Variants in USP8 observed in about 807,000 individuals in gnomAD.
USP8 encodes the protein ubiquitin carboxyl-terminal hydrolase 8.
Under a neutral mutation model 130.0 loss-of-function variants are expected in USP8, and 27 were observed. That is an observed-to-expected ratio of 0.21 (90% CI 0.15 to 0.29). USP8 has a LOEUF of 0.29. Among genes scored for constraint, USP8 ranks in the 10% least tolerant of loss-of-function variants. USP8 has a pLI of 1.00. For synonymous variants in USP8, 392 were observed against 444.1 expected (o/e 0.88, Z 1.48); for missense variants, 1,029 against 1,312.2 (o/e 0.78, Z 3.33).
At chr15:50,478,885 TCTCTA>T (rs2051663841) in intron 10 of USP8, among the ~76,000 whole-genome samples, 1 of 151,956 alleles carries the variant, frequency 6.6e-6, no homozygotes, top group Non-Finnish European at 1.5e-5. Context: ...TGAAACCCCA[TCTCTA>T]CTGAAAATAC....
At chr15:50,473,661 A>G (rs2051457215) in intron 8 of USP8, among the ~76,000 whole-genome samples, 1 of 151,108 alleles carries the variant, frequency 6.6e-6, no homozygotes, top group Non-Finnish European at 1.5e-5. Context: ...ATGCCTGGCT[A>G]ATTTTTTAAA....
chr15:50,492,947 C>A (rs1288355218), intron 15 of USP8, 34 bp downstream of exon 15: 2 of 1,573,482 alleles, frequency 1.3e-6, no homozygotes, highest in Admixed American at 1.7e-5. Flanking sequence ...CATTATAATG[C>A]TAAAAGGATG....
chr15:50,499,678 G>A lies in USP8; in HGVS notation c.*590G>A, dbSNP rs2052542665. 6.6e-6 allele frequency: 1 copy of A among 151,306 alleles called. No individual in the cohort carries two copies. The highest frequency in any genetic ancestry group is 2.4e-5 in the African/African-American group (1 of 41,138). 9.4% of individuals were successfully genotyped at this position (151,306 alleles called of 1,614,324 possible). A position where few individuals can be genotyped will look rare whatever the true frequency, so the allele number is the denominator to read the frequency against. On this transcript the variant is annotated 3_prime_UTR_variant, in exon 20 of 20. Coordinates refer to ENST00000307179, the MANE Select transcript of USP8 (RefSeq NM_005154.5). Reference sequence around the variant, plus strand: ...TCTGTTGGCTTTGGGCTGTATTTGTGCACTAAATCTTTATTCTAAAAAAAA... The same window carrying A: ...TCTGTTGGCTTTGGGCTGTATTTGTACACTAAATCTTTATTCTAAAAAAAA...
chr15:50,475,560 T>TAC (rs1168994433), intron 8 of USP8, among the ~76,000 whole-genome samples: 6 of 148,660 alleles, frequency 4.0e-5, no homozygotes, highest in Non-Finnish European at 7.4e-5. Context: ...CATGTATATA[T>TAC]ACACACACAT....
intron 4 of USP8, among the ~76,000 whole-genome samples, chr15:50,457,057 T>C (rs1379951687): frequency 6.6e-6 from 1 of 152,216 alleles, no homozygotes; most frequent in African/African-American, 2.4e-5. Context: ...AATGATCTTA[T>C]TGATAGATGG....
In USP8 at chr15:50,494,276, A is replaced by ATAAAG. The variant is rs1468819446; in HGVS notation, c.2658_2658+4dup. On this transcript the variant is annotated frameshift_variant, in exon 16 of 20. Transcript: ENST00000307179. LOFTEE classifies it high-confidence loss of function. ...ATGGATGGTCTCCATGAAGATCTAA[A>ATAAAG]TAAAGTAAGAAATTTGATTTTTCTA... 1 of 1,595,658 alleles carries ATAAAG rather than the reference A, an allele frequency of 6.3e-7. No homozygotes were observed. Among genetic ancestry groups the ATAAAG allele is most frequent in the Admixed American group, 1.8e-5 (1 of 54,360 alleles).
At chr15:50,480,619 G>A (rs1662470177) in intron 10 of USP8, among the ~76,000 whole-genome samples, 2 of 152,058 alleles carry the variant, frequency 1.3e-5, no homozygotes, top group African/African-American at 4.8e-5. Flanking sequence ...GAAGGAGCAT[G>A]GCATCTTGGA....
intron 4 of USP8, among the ~76,000 whole-genome samples, chr15:50,457,890 A>C (rs2050846540): frequency 6.6e-6 from 1 of 151,860 alleles, no homozygotes; most frequent in Non-Finnish European, 1.5e-5. Context: ...AAGAAAAAAA[A>C]AAGAAAAAAA....
rs763839442 is a variant in USP8 at position 50,499,138 on chromosome 15, A to G, written c.*50A>G. On this transcript the variant is annotated 3_prime_UTR_variant, in exon 20 of 20. Coordinates refer to ENST00000307179, the MANE Select transcript of USP8 (RefSeq NM_005154.5). ...ATCTTTTAAAAGGCTCAGCAACACA[A>G]CTCTTGAAATGCTTATCAGGATAAT... 1.3e-6 allele frequency: 2 copies of G among 1,502,718 alleles called. No homozygotes were observed. Among genetic ancestry groups the G allele is most frequent in the African/African-American group, 1.4e-5 (1 of 71,742 alleles). The allele number at this position is 1,502,718 out of a possible 1,614,324, so 93.1% of individuals were successfully genotyped here. A position where few individuals can be genotyped will look rare whatever the true frequency, so the allele number is the denominator to read the frequency against.
intron 8 of USP8, 30 bp from the exon 9 acceptor site, chr15:50,476,819 C>T: frequency 6.6e-7 from 1 of 1,524,528 alleles, no homozygotes; most frequent in Non-Finnish European, 8.7e-7. Flanking sequence ...GATTGCTGCC[C>T]TATTTAAAAT....
At position 50,481,598 on chromosome 15, in the gene USP8, A is replaced by G. The variant is rs765014060; in HGVS notation, c.1336A>G (p.Thr446Ala). The G allele has an allele frequency of 6.2e-7, 1 of 1,614,140 alleles. No individual in the cohort carries two copies. The highest frequency in any genetic ancestry group is 8.5e-7 in the Non-Finnish European group (1 of 1,180,016). The change falls in exon 11 of 20, where the codon ACC becomes GCC. Residue 446 changes from threonine to alanine, a missense_variant. Coordinates refer to ENST00000307179, the MANE Select transcript of USP8 (RefSeq NM_005154.5). ...TGGAAAAGTTATTCCTGATCGTTCC[A>G]CCAAGCCAGTAGTTTTTTCTCCAAC... is the stretch of plus-strand genomic sequence containing the variant. ...QSGKVIPDRS[T>A]KPVVFSPTLM...
chr15:50,493,780 G>GGACA (rs1315274736), intron 15 of USP8: 1 of 518,524 alleles, frequency 1.9e-6, no homozygotes, highest in African/African-American at 1.9e-5. Context: ...GATTAGTAAA[G>GGACA]GACAGACAGG....
chr15:50,484,500 G>A (rs767301411), intron 12 of USP8, 139 bp downstream of exon 12: 7 of 651,056 alleles, frequency 1.1e-5, no homozygotes, highest in African/African-American at 2.0e-5. Flanking sequence ...GGTAGCTGGT[G>A]TTTTGCTTGT....
Position 50,512,835 on chromosome 15 carries a change from A to AT in USP8, c.*13750dup, listed in dbSNP as rs1388682486. On this transcript the variant is annotated 3_prime_UTR_variant, in exon 20 of 20. Coordinates refer to ENST00000307179, the MANE Select transcript of USP8 (RefSeq NM_005154.5). ...AACAACAAAAAACACAACTGAACAC[A>AT]TTTAAGGTGAATTCTGTGGTATGTG... The AT allele has an allele frequency of 6.6e-6, 1 of 152,118 alleles. No individual in the cohort carries two copies. The highest frequency in any genetic ancestry group is 1.5e-5 in the Non-Finnish European group (1 of 68,042). 9.4% of individuals were successfully genotyped at this position (152,118 alleles called of 1,614,324 possible).
At chr15:50,459,307 G>GGC in intron 5 of USP8, 145 bp downstream of exon 5, 1 of 1,204,278 alleles carries the variant, frequency 8.3e-7, no homozygotes, top group Non-Finnish European at 1.1e-6. Flanking sequence ...TTTAAGGCTG[G>GGC]GCACGGTGGC....
At position 50,452,638 on chromosome 15, in the gene USP8, C is replaced by CG. The variant is rs1336088055; in HGVS notation, c.335+3155dup. On this transcript the variant is annotated intron_variant, in intron 4 of 19. Coordinates refer to ENST00000307179, the MANE Select transcript of USP8 (RefSeq NM_005154.5). Reference sequence around the variant, plus strand: ...AAATATAGAGCAGTAGGTAAGTGTACGGAGCCAGACTCCCTGGGTATGGAT... The same window carrying CG: ...AAATATAGAGCAGTAGGTAAGTGTACGGGAGCCAGACTCCCTGGGTATGGAT... Among the ~76,000 whole-genome samples the CG allele has an allele frequency of 2.0e-5, 3 of 152,122 alleles. 1 individual carries two copies. The highest frequency in any genetic ancestry group is 4.4e-5 in the Non-Finnish European group (3 of 68,016).
In USP8 at chr15:50,504,881, C is replaced by G. The variant is rs968445743; in HGVS notation, c.*5793C>G. 1.3e-5 allele frequency: 2 copies of G among 151,716 alleles called. 1 individual carries two copies. Among genetic ancestry groups the G allele is most frequent in the Middle Eastern group, 6.3e-3 (2 of 318 alleles). 9.4% of individuals were successfully genotyped at this position (151,716 alleles called of 1,614,324 possible). A position where few individuals can be genotyped will look rare whatever the true frequency, so the allele number is the denominator to read the frequency against. The stretch of plus-strand genomic sequence containing the variant: ...CCTGTAATCCCAGCTACTTGAGAGG[C>G]TGAAGCAGGAGAATCGCTTGAACCC... On this transcript the variant is annotated 3_prime_UTR_variant, in exon 20 of 20. Coordinates refer to ENST00000307179, the MANE Select transcript of USP8 (RefSeq NM_005154.5).
intron 10 of USP8, among the ~76,000 whole-genome samples, chr15:50,479,045 C>CT (rs1198230191): frequency 6.6e-6 from 1 of 151,636 alleles, no homozygotes; most frequent in Non-Finnish European, 1.5e-5. Flanking sequence ...GAGTGAGACT[C>CT]TGTCTCAAAA....
At chr15:50,461,350 C>CAG (rs1304855718) in intron 5 of USP8, among the ~76,000 whole-genome samples, 1 of 150,848 alleles carries the variant, frequency 6.6e-6, no homozygotes, top group African/African-American at 2.4e-5. Context: ...GTAGTCCCAG[C>CAG]TACTCAGGAG....
Sources: gnomAD v4.1 joint callset for allele counts (sites outside exome capture counted in the v4.1 genomes callset) on GRCh38, gnomAD v4.1.1 for gene constraint, MANE v1.5 for transcripts, NCBI Gene and HGNC (gene_info 2026-07-23, HGNC 2026-07-21) for gene names.